MPDZ: variants seen among roughly 807,000 people sequenced by gnomAD.
The protein encoded by MPDZ is multiple PDZ domain crumbs cell polarity complex component, also known as multiple PDZ domain protein.
In MPDZ, 234 loss-of-function variants were observed where a neutral mutation model predicts 239.1. The ratio of observed to expected loss-of-function variants is 0.98; its 90% CI spans 0.88 to 1.09. MPDZ has a LOEUF of 1.09. Ranked by LOEUF, MPDZ falls within the 50% of genes least tolerant of loss-of-function variation. The probability of loss-of-function intolerance (pLI) is 0.00; values close to 1 mark genes in which losing one functional copy is unlikely to be tolerated. For missense variants in MPDZ, 3,175 were observed against 2,510.0 expected (o/e 1.26, Z -5.66); for synonymous variants, 1,048 against 881.3 (o/e 1.19, Z -3.35).
Position 13,122,100 on chromosome 9 carries a change from T to TC in MPDZ, c.5023dup (p.Asp1675GlyfsTer10). ...GGCATTCTATACCTCTAAGATCTGA[T>TC]CTCCAGCCCAGAGTCTTCCATCTTT... On this transcript the variant is annotated frameshift_variant, in exon 37 of 47. Coordinates refer to ENST00000319217, the MANE Select transcript of MPDZ (RefSeq NM_001378778.1). LOFTEE classifies it high-confidence loss of function. 1 of 1,614,004 alleles carries TC rather than the reference T, an allele frequency of 6.2e-7. No homozygotes were observed. The highest frequency in any genetic ancestry group is 8.5e-7 in the Non-Finnish European group (1 of 1,179,898).
In MPDZ at chr9:13,202,806, G is replaced by T. The variant is rs1470975552; in HGVS notation, c.1546+2230C>A. 2.6e-5 allele frequency among the ~76,000 whole-genome samples: 4 copies of T among 152,172 alleles called. No homozygotes were observed. The South Asian group carries it at 8.3e-4, about 31-fold the overall frequency. ...CCTAAAATTACCATTTATCTTATCAGTCATGGCTCCTCTCAATTCTGTAGG... is the reference window on the plus strand; with the variant it reads ...CCTAAAATTACCATTTATCTTATCATTCATGGCTCCTCTCAATTCTGTAGG... On this transcript the variant is annotated intron_variant, in intron 12 of 46. Coordinates refer to ENST00000319217, the MANE Select transcript of MPDZ (RefSeq NM_001378778.1).
intron 32 of MPDZ, among the ~76,000 whole-genome samples, chr9:13,132,911 T>A (rs1270570650): frequency 1.3e-5 from 2 of 152,156 alleles, no homozygotes; most frequent in Non-Finnish European, 2.9e-5. Flanking sequence ...AACATGTTCA[T>A]TCCACAGACA....
At chr9:13,273,102 T>C (rs986844392) in intron 1 of MPDZ, among the ~76,000 whole-genome samples, 3 of 152,122 alleles carry the variant, frequency 2.0e-5, no homozygotes, top group Non-Finnish European at 4.4e-5. Context: ...CGGCATCATC[T>C]ATGAGGCCCT....
At chr9:13,226,859 TTATC>T (rs756700213) in intron 3 of MPDZ, among the ~76,000 whole-genome samples, 2 of 152,110 alleles carry the variant, frequency 1.3e-5, no homozygotes, top group South Asian at 2.1e-4. Flanking sequence ...AAAAAAATGT[TTATC>T]TATTTTTTAA....
intron 41 of MPDZ, among the ~76,000 whole-genome samples, chr9:13,113,641 A>C (rs1942879312): frequency 6.6e-6 from 1 of 152,222 alleles, no homozygotes. Context: ...GTGTTACATT[A>C]AACACAGAAA....
intron 15 of MPDZ, among the ~76,000 whole-genome samples, chr9:13,190,984 T>C (rs1250478990): frequency 2.0e-5 from 3 of 152,094 alleles, no homozygotes; most frequent in Admixed American, 6.6e-5. Flanking sequence ...TAGGTTAATA[T>C]AGGTTAATTC....
At chr9:13,120,350 A>T (rs1296763476) in intron 38 of MPDZ, 1 of 152,242 alleles carries the variant, frequency 6.6e-6, no homozygotes, top group African/African-American at 2.4e-5. Flanking sequence ...CAAGGTCATG[A>T]CATCAAATCA....
rs1057998 is a variant in MPDZ at position 13,106,731 on chromosome 9, T to A, written c.*234A>T. ...TCCACAAATAAAAACGAGATTCACC[T>A]ACACAAATATTCCTTCTCTTTAAGT... On this transcript the variant is annotated 3_prime_UTR_variant, in exon 47 of 47. Transcript: ENST00000319217. The A allele has an allele frequency of 1.9e-3, 869 of 457,376 alleles. 8 individuals are homozygous for A. Among genetic ancestry groups the A allele is most frequent in the African/African-American group, 0.015 (799 of 52,132 alleles). The allele number at this position is 457,376 out of a possible 1,614,324, so 28.3% of individuals were successfully genotyped here. A position where few individuals can be genotyped will look rare whatever the true frequency, so the allele number is the denominator to read the frequency against.
At chr9:13,277,700 G>GCCATC (rs1974554715) in intron 1 of MPDZ, among the ~76,000 whole-genome samples, 1 of 152,086 alleles carries the variant, frequency 6.6e-6, no homozygotes, top group African/African-American at 2.4e-5. Context: ...TAGTATCTGA[G>GCCATC]ACTACAGGTG....
chr9:13,138,776 G>T (rs1448836496), intron 28 of MPDZ, among the ~76,000 whole-genome samples: 1 of 152,052 alleles, frequency 6.6e-6, no homozygotes, highest in Middle Eastern at 3.2e-3. Flanking sequence ...AATCTAAGAG[G>T]GCTGACGCCT....
chr9:13,211,539 A>G (rs1957617692), intron 10 of MPDZ, among the ~76,000 whole-genome samples: 2 of 152,180 alleles, frequency 1.3e-5, no homozygotes, highest in African/African-American at 4.8e-5. Context: ...TACAAGATAC[A>G]GTGCTGAGCA....
intron 1 of MPDZ, among the ~76,000 whole-genome samples, chr9:13,262,890 A>T (rs1176987690): frequency 2.6e-5 from 4 of 152,136 alleles, no homozygotes; most frequent in African/African-American, 9.7e-5. Context: ...ACATAAAAAT[A>T]TGTATATACA....
chr9:13,111,884 C>G (rs1942541559), intron 43 of MPDZ, 140 bp downstream of exon 43: 1 of 709,010 alleles, frequency 1.4e-6, no homozygotes, highest in African/African-American at 1.8e-5. Flanking sequence ...CCAAGCAAGC[C>G]TTGCTGTGGT....
At chr9:13,181,813 T>G (rs1466808044) in intron 19 of MPDZ, among the ~76,000 whole-genome samples, 1 of 152,130 alleles carries the variant, frequency 6.6e-6, no homozygotes, top group Non-Finnish European at 1.5e-5. Flanking sequence ...ATCTGTCCAC[T>G]GGGAAGAAGA....
At chr9:13,239,592 A>C (rs566268838) in intron 3 of MPDZ, among the ~76,000 whole-genome samples, 12 of 152,298 alleles carry the variant, frequency 7.9e-5, no homozygotes, top group South Asian at 4.1e-4. Flanking sequence ...TAATTTACTT[A>C]AGTTAAAAAC....
chr9:13,200,349 G>C (rs763200761), intron 12 of MPDZ, among the ~76,000 whole-genome samples: 1 of 151,780 alleles, frequency 6.6e-6, no homozygotes, highest in Non-Finnish European at 1.5e-5. Flanking sequence ...TTACTATGGC[G>C]AAAGACTTGA....
intron 34 of MPDZ, 98 bp from the exon 35 acceptor site, chr9:13,125,488 T>C (rs980246565): frequency 2.6e-6 from 3 of 1,134,836 alleles, no homozygotes; most frequent in South Asian, 1.6e-5. Flanking sequence ...ATTCTCTCTA[T>C]GGTTAAGGGG....
At chr9:13,125,756 A>G (rs1355911873) in intron 34 of MPDZ, among the ~76,000 whole-genome samples, 1 of 152,232 alleles carries the variant, frequency 6.6e-6, no homozygotes, top group Non-Finnish European at 1.5e-5. Context: ...CTATAGAAGC[A>G]ACTTACACAA....
chr9:13,212,237 C>T (rs1957706777), intron 10 of MPDZ, among the ~76,000 whole-genome samples: 1 of 151,946 alleles, frequency 6.6e-6, no homozygotes, highest in Non-Finnish European at 1.5e-5. Flanking sequence ...GTATTCCTTA[C>T]TCAAATGACA....
Sources: gnomAD v4.1 joint callset for allele counts (sites outside exome capture counted in the v4.1 genomes callset) on GRCh38, gnomAD v4.1.1 for gene constraint, MANE v1.5 for transcripts, NCBI Gene and HGNC (gene_info 2026-07-23, HGNC 2026-07-21) for gene names.